ARHGAP5: variants seen among roughly 807,000 people sequenced by gnomAD.
ARHGAP5 encodes Rho GTPase activating protein 5.
ARHGAP5 carries 23 observed loss-of-function variants against 116.6 expected under a neutral mutation model. That is an observed-to-expected ratio of 0.20 (90% confidence interval 0.14 to 0.28). ARHGAP5 has a LOEUF of 0.28. ARHGAP5 is among the 10% of genes least tolerant of loss of function. The pLI is 1.00. For synonymous variants in ARHGAP5, 574 were observed against 602.0 expected (o/e 0.95, Z 0.68); for missense variants, 1,405 against 1,774.8 (o/e 0.79, Z 3.74).
intron 3 of ARHGAP5, among the ~76,000 whole-genome samples, chr14:32,138,667 C>A (rs2139122297): frequency 6.6e-6 from 1 of 152,256 alleles, no homozygotes; most frequent in Middle Eastern, 3.4e-3. Flanking sequence ...AATTTTACTT[C>A]ATTTTTTTCC....
chr14:32,145,555 G>C (rs1881334133), intron 3 of ARHGAP5, among the ~76,000 whole-genome samples: 1 of 151,996 alleles, frequency 6.6e-6, no homozygotes, highest in African/African-American at 2.4e-5. Flanking sequence ...CCTCTCCAAC[G>C]CCCAGTCATG....
At chr14:32,123,769 A>G (rs1342471207) in intron 3 of ARHGAP5, among the ~76,000 whole-genome samples, 1 of 152,156 alleles carries the variant, frequency 6.6e-6, no homozygotes, top group Non-Finnish European at 1.5e-5. Context: ...TCATGTGTTA[A>G]GTACCTTGTG....
At chr14:32,154,339 G>A in intron 6 of ARHGAP5, 1 of 300,834 alleles carries the variant, frequency 3.3e-6, no homozygotes, top group Non-Finnish European at 6.2e-6. Context: ...AGTAGAGATG[G>A]GGTTTCTCCA....
In ARHGAP5 at chr14:32,110,208, A is replaced by AT. The variant is rs1369682306; in HGVS notation, c.3718-6931dup. Among the ~76,000 whole-genome samples the AT allele has an allele frequency of 4.9e-5, 7 of 142,320 alleles. No homozygotes were observed. In the South Asian group the frequency reaches 8.8e-4, roughly 18 times the overall value. The allele number at this position is 142,320 out of a possible 152,430, so 93.4% of individuals were successfully genotyped here. A position where few individuals can be genotyped will look rare whatever the true frequency, so the allele number is the denominator to read the frequency against. On this transcript the variant is annotated intron_variant, in intron 2 of 6. Transcript: ENST00000345122. ...TAGAGCTTAAATTGTAGCTGGGGAG[A>AT]TAAAAAAAAAAAAAAGATGATACGT...
At position 32,093,699 on chromosome 14, in the gene ARHGAP5, T is replaced by C. The variant is rs1458777433; in HGVS notation, c.3030T>C (p.Tyr1010=). The C allele has an allele frequency of 1.1e-5, 17 of 1,613,956 alleles. No individual in the cohort carries two copies. In the Admixed American group the frequency reaches 2.3e-4, roughly 22 times the overall value. Residue 1010 remains tyrosine (Y), a synonymous_variant, in exon 2 of 7, where the codon TAT becomes TAC. Coordinates refer to ENST00000345122, the MANE Select transcript of ARHGAP5 (RefSeq NM_001030055.2). Reference sequence around the variant, plus strand: ...CAACACCTAGTGACCGTTCCAGATATAGATTAGATTTGGAAGGAAATGAGT... The same window carrying C: ...CAACACCTAGTGACCGTTCCAGATACAGATTAGATTTGGAAGGAAATGAGT... ...LLPTPSDRSR[Y]RLDLEGNEYP...
chr14:32,104,808 A>G (rs750987731), intron 2 of ARHGAP5, among the ~76,000 whole-genome samples: 11 of 152,156 alleles, frequency 7.2e-5, no homozygotes, highest in Non-Finnish European at 1.2e-4. Context: ...CTTTTCAGAA[A>G]TATATCTGTA....
intron 2 of ARHGAP5, among the ~76,000 whole-genome samples, chr14:32,105,478 T>G (rs577649296): frequency 2.0e-5 from 3 of 149,798 alleles, no homozygotes; most frequent in Admixed American, 2.0e-4. Context: ...TATGCTATTG[T>G]TTTTTTTTTT....
At chr14:32,146,468 A>G (rs1881385570) in intron 4 of ARHGAP5, 128 bp downstream of exon 4, 2 of 661,772 alleles carry the variant, frequency 3.0e-6, no homozygotes, top group Non-Finnish European at 5.2e-6. Context: ...GAGGGTTTCA[A>G]AGTGAGATTA....
chr14:32,137,053 A>AT (rs1880841715), intron 3 of ARHGAP5, among the ~76,000 whole-genome samples: 1 of 151,812 alleles, frequency 6.6e-6, no homozygotes. Flanking sequence ...CTTTTAATAT[A>AT]TAAAAGTTTT....
chr14:32,144,129 A>G (rs1881262936), intron 3 of ARHGAP5, among the ~76,000 whole-genome samples: 1 of 152,190 alleles, frequency 6.6e-6, no homozygotes, highest in Non-Finnish European at 1.5e-5. Context: ...AAGGAAGAAA[A>G]AATTGCGTCT....
chr14:32,144,599 T>A (rs1178865501), intron 3 of ARHGAP5, among the ~76,000 whole-genome samples: 1 of 152,122 alleles, frequency 6.6e-6, no homozygotes, highest in African/African-American at 2.4e-5. Flanking sequence ...TTCTCCTGCC[T>A]TAGCCTCCCA....
At position 32,155,507 on chromosome 14, in the gene ARHGAP5, G is replaced by T. The variant is rs1421978625; in HGVS notation, c.*559G>T. The T allele has an allele frequency of 3.9e-5, 6 of 152,882 alleles. No homozygotes were observed. Among genetic ancestry groups the T allele is most frequent in the Non-Finnish European group, 1.5e-5 (1 of 68,246 alleles). The allele number at this position is 152,882 out of a possible 1,614,324, so 9.5% of individuals were successfully genotyped here. On this transcript the variant is annotated 3_prime_UTR_variant, in exon 7 of 7. Coordinates refer to ENST00000345122, the MANE Select transcript of ARHGAP5 (RefSeq NM_001030055.2). Reference sequence around the variant, plus strand: ...TACACTTGACATATTTCACATTTCTGTACCTTCATCTTTACTTCCAAGTAA... The same window carrying T: ...TACACTTGACATATTTCACATTTCTTTACCTTCATCTTTACTTCCAAGTAA...
At chr14:32,130,190 T>A (rs1214523664) in intron 3 of ARHGAP5, among the ~76,000 whole-genome samples, 2 of 150,670 alleles carry the variant, frequency 1.3e-5, no homozygotes, top group African/African-American at 4.9e-5. Flanking sequence ...GTTTGTTGAA[T>A]CCCTTGCATT....
At chr14:32,133,814 G>T (rs1008113335) in intron 3 of ARHGAP5, among the ~76,000 whole-genome samples, 1 of 152,116 alleles carries the variant, frequency 6.6e-6, no homozygotes, top group Non-Finnish European at 1.5e-5. Flanking sequence ...TTTTGTCAAA[G>T]GCCTTTTCTG....
intron 3 of ARHGAP5, among the ~76,000 whole-genome samples, chr14:32,122,570 C>G (rs758481921): frequency 2.0e-4 from 30 of 152,142 alleles, no homozygotes; most frequent in Non-Finnish European, 3.1e-4. Flanking sequence ...GGTGTCATGT[C>G]TAAGAAGGTT....
intron 2 of ARHGAP5, among the ~76,000 whole-genome samples, chr14:32,112,828 G>T (rs1879378440): frequency 6.6e-6 from 1 of 151,598 alleles, no homozygotes; most frequent in Non-Finnish European, 1.5e-5. Context: ...CAGAGATGGC[G>T]CCACTGCACT....
In ARHGAP5 at chr14:32,157,730, C is replaced by T. The variant is rs1881955791; in HGVS notation, c.*2782C>T. 1 of 151,580 alleles carries T rather than the reference C, an allele frequency of 6.6e-6. No individual in the cohort carries two copies. Among genetic ancestry groups the T allele is most frequent in the South Asian group, 2.1e-4 (1 of 4,812 alleles). 9.4% of individuals were successfully genotyped at this position (151,580 alleles called of 1,614,324 possible). On this transcript the variant is annotated 3_prime_UTR_variant, in exon 7 of 7. Transcript: ENST00000345122. ...CCCCTTAACATTTACAGTGTAAATA[C>T]TGCAGGTAACCGCAATCTAAGTTAG...
At chr14:32,081,987 C>A (rs1256201485) in intron 1 of ARHGAP5, among the ~76,000 whole-genome samples, 1 of 152,056 alleles carries the variant, frequency 6.6e-6, no homozygotes. Context: ...GAAACTGTTC[C>A]CCCTCAGATC....
At chr14:32,085,379 G>GT (rs2041818526) in intron 1 of ARHGAP5, among the ~76,000 whole-genome samples, 1 of 152,326 alleles carries the variant, frequency 6.6e-6, no homozygotes, top group South Asian at 2.1e-4. Flanking sequence ...GAGCGCAGGA[G>GT]TTCGAGGCTG....
Sources: allele counts gnomAD v4.1 joint callset (sites outside exome capture counted in the v4.1 genomes callset), GRCh38; gene constraint gnomAD v4.1.1; transcripts MANE v1.5; gene names NCBI Gene and HGNC (gene_info 2026-07-23, HGNC 2026-07-21).